The following CTNND2 variants were observed in gnomAD, a reference collection of about 807,000 sequenced individuals.
The protein encoded by CTNND2 is catenin delta-2.
A neutral mutation model predicts 144.4 loss-of-function variants in CTNND2; 22 were observed. The observed-to-expected ratio is 0.15, with a 90% CI of 0.11 to 0.22. The LOEUF (loss-of-function observed/expected upper bound fraction) is 0.22. Among genes scored for constraint, CTNND2 ranks in the 10% least tolerant of loss-of-function variants. The pLI is 1.00. For synonymous variants in CTNND2, 751 were observed against 695.6 expected (o/e 1.08, Z -1.25); for missense variants, 1,353 against 1,618.8 (o/e 0.84, Z 2.82).
At chr5:11,371,411 G>C (rs986732274) in intron 7 of CTNND2, among the ~76,000 whole-genome samples, 2 of 152,194 alleles carry the variant, frequency 1.3e-5, no homozygotes, top group Non-Finnish European at 2.9e-5. Context: ...TCTTAGATCT[G>C]AAGAATACCT....
chr5:11,479,997 A>G (rs1768100017), intron 3 of CTNND2, among the ~76,000 whole-genome samples: 1 of 152,116 alleles, frequency 6.6e-6, no homozygotes, highest in Admixed American at 6.6e-5. Flanking sequence ...TGCTGTGCAG[A>G]AGCTCTTAAG....
chr5:11,043,003 A>G (rs1449467007), intron 16 of CTNND2, among the ~76,000 whole-genome samples: 1 of 152,164 alleles, frequency 6.6e-6, no homozygotes, highest in Non-Finnish European at 1.5e-5. Context: ...TTCTCAAAAA[A>G]TACTTCCAAT....
Position 10,981,806 on chromosome 5 carries a change from A to G in CTNND2, c.3384T>C (p.Tyr1128=), listed in dbSNP as rs61754547. 1.2e-4 allele frequency: 198 copies of G among 1,614,016 alleles called. No individual in the cohort carries two copies. The highest frequency in any genetic ancestry group is 1.6e-4 in the Non-Finnish European group (189 of 1,180,002). ...GTTTGATGTCTTCAGCGGGCGCACC[A>G]TAAGAATTCCTATACAAAGTTGAAA... The part of the protein sequence containing the change: ...TGISTLYRNS[Y]GAPAEDIKHN... Residue 1128 remains tyrosine (Y), a synonymous_variant, in exon 21 of 22, where the codon TAT becomes TAC. Coordinates refer to ENST00000304623, the MANE Select transcript of CTNND2 (RefSeq NM_001332.4).
At chr5:11,001,619 A>G (rs1739974396) in intron 18 of CTNND2, among the ~76,000 whole-genome samples, 1 of 152,234 alleles carries the variant, frequency 6.6e-6, no homozygotes, top group Non-Finnish European at 1.5e-5. Flanking sequence ...ATAAGAAATA[A>G]ATACATTCAG....
At chr5:11,379,370 T>A (rs1446898657) in intron 7 of CTNND2, among the ~76,000 whole-genome samples, 1 of 152,172 alleles carries the variant, frequency 6.6e-6, no homozygotes, top group African/African-American at 2.4e-5. Flanking sequence ...CTACAGAGAT[T>A]CTGGGGTCAA....
intron 3 of CTNND2, among the ~76,000 whole-genome samples, chr5:11,516,299 A>C (rs985236917): frequency 6.6e-6 from 1 of 152,018 alleles, no homozygotes; most frequent in Non-Finnish European, 1.5e-5. Context: ...ACTTCTACTC[A>C]ACATGGTAAA....
rs990061853 is a variant in CTNND2 at position 11,617,094 on chromosome 5, G to C, written c.175-52038C>G. Among the ~76,000 whole-genome samples the C allele has an allele frequency of 4.6e-5, 7 of 152,152 alleles. No individual in the cohort carries two copies. The East Asian group carries it at 1.4e-3, about 29-fold the overall frequency. On this transcript the variant is annotated intron_variant, in intron 2 of 21. Transcript: ENST00000304623. The stretch of plus-strand genomic sequence containing the variant: ...AGACCTGTGGCTATGCATGTGCCAA[G>C]GTTTCCAGAAAATTCCAGGAATACA...
chr5:11,051,883 T>G (rs931298515), intron 16 of CTNND2, among the ~76,000 whole-genome samples: 1 of 152,224 alleles, frequency 6.6e-6, no homozygotes, highest in Non-Finnish European at 1.5e-5. Context: ...TTAAAAATAC[T>G]AAATTTTTGT....
intron 2 of CTNND2, among the ~76,000 whole-genome samples, chr5:11,676,424 G>C (rs1359535537): frequency 2.0e-5 from 3 of 151,934 alleles, no homozygotes; most frequent in African/African-American, 7.3e-5. Context: ...ATGGGGGCAG[G>C]GGTTAAGGAG....
intron 12 of CTNND2, among the ~76,000 whole-genome samples, chr5:11,119,812 C>T (rs1284911034): frequency 6.6e-6 from 1 of 152,150 alleles, no homozygotes; most frequent in African/African-American, 2.4e-5. Flanking sequence ...CTTAGGGTAG[C>T]GTGTGTACAC....
chr5:11,722,017 T>C (rs1318858784), intron 2 of CTNND2, among the ~76,000 whole-genome samples: 1 of 152,218 alleles, frequency 6.6e-6, no homozygotes, highest in Non-Finnish European at 1.5e-5. Flanking sequence ...CTAAGTTTAT[T>C]GTCACAATTC....
chr5:11,630,546 G>T lies in CTNND2; in HGVS notation c.175-65490C>A, dbSNP rs142191831. On this transcript the variant is annotated intron_variant, in intron 2 of 21. Transcript: ENST00000304623. ...AAATTACTAAGAAGAATTCTACTTT[G>T]GTTTGGTAACTTACCCATTTATGTG... Among the ~76,000 whole-genome samples the T allele has an allele frequency of 9.4e-3, 1,435 of 152,220 alleles. 9 individuals carry two copies. Among genetic ancestry groups the T allele is most frequent in the Middle Eastern group, 0.017 (5 of 294 alleles).
intron 12 of CTNND2, among the ~76,000 whole-genome samples, chr5:11,135,814 T>C (rs971461626): frequency 3.9e-5 from 6 of 152,208 alleles, no homozygotes; most frequent in African/African-American, 1.4e-4. Context: ...TGCAGCGAGA[T>C]GCAGTGGGCT....
chr5:11,393,623 C>G (rs188485489), intron 6 of CTNND2, among the ~76,000 whole-genome samples: 1 of 152,144 alleles, frequency 6.6e-6, no homozygotes, highest in African/African-American at 2.4e-5. Context: ...CACCCACAAA[C>G]CAGCACAGAA....
At chr5:11,188,303 G>A (rs990145438) in intron 11 of CTNND2, among the ~76,000 whole-genome samples, 5 of 152,166 alleles carry the variant, frequency 3.3e-5, no homozygotes, top group African/African-American at 1.2e-4. Context: ...TTTCTTTGCA[G>A]AAACATGGAT....
At chr5:11,492,141 G>A (rs974892048) in intron 3 of CTNND2, among the ~76,000 whole-genome samples, 8 of 152,166 alleles carry the variant, frequency 5.3e-5, no homozygotes, top group Non-Finnish European at 1.0e-4. Context: ...GCTTTATGAT[G>A]CTAATAAACC....
intron 1 of CTNND2, among the ~76,000 whole-genome samples, chr5:11,834,769 T>G (rs1561844254): frequency 6.6e-6 from 1 of 152,188 alleles, no homozygotes; most frequent in Non-Finnish European, 1.5e-5. Flanking sequence ...CTTTCGAATC[T>G]CCTGATTCAC....
At chr5:11,741,340 T>A (rs1047954475) in intron 1 of CTNND2, among the ~76,000 whole-genome samples, 1 of 152,112 alleles carries the variant, frequency 6.6e-6, no homozygotes, top group Non-Finnish European at 1.5e-5. Flanking sequence ...AATGATAGAC[T>A]GGATTAAGAA....
chr5:11,798,018 G>A (rs1188525491), intron 1 of CTNND2, among the ~76,000 whole-genome samples: 1 of 152,078 alleles, frequency 6.6e-6, no homozygotes, highest in Non-Finnish European at 1.5e-5. Flanking sequence ...AGCATTTTGG[G>A]AGGCCAAGGT....
Sources: allele counts gnomAD v4.1 joint callset (sites outside exome capture counted in the v4.1 genomes callset), GRCh38; gene constraint gnomAD v4.1.1; transcripts MANE v1.5; gene names NCBI Gene and HGNC (gene_info 2026-07-23, HGNC 2026-07-21).